PDE10A: variants seen among roughly 807,000 people sequenced by gnomAD.
PDE10A encodes cAMP and cAMP-inhibited cGMP 3',5'-cyclic phosphodiesterase 10A.
A neutral mutation model predicts 97.7 loss-of-function variants in PDE10A; 39 were observed. That is an observed-to-expected ratio of 0.40 (90% CI 0.31 to 0.52). The LOEUF (loss-of-function observed/expected upper bound fraction) is 0.52. Ranked by LOEUF, PDE10A falls within the 20% of genes least tolerant of loss-of-function variation. PDE10A has a pLI of 0.56. For synonymous variants in PDE10A, 371 were observed against 376.8 expected (o/e 0.98, Z 0.18); for missense variants, 731 against 1,047.8 (o/e 0.70, Z 4.17).
intron 1 of PDE10A, among the ~76,000 whole-genome samples, chr6:165,558,871 C>G (rs1043520534): frequency 2.0e-5 from 3 of 152,140 alleles, no homozygotes; most frequent in African/African-American, 7.2e-5. Context: ...TTAATGAGTG[C>G]AGCACACCAA....
At chr6:165,746,152 C>T (rs548860193) in intron 1 of PDE10A, among the ~76,000 whole-genome samples, 2 of 152,254 alleles carry the variant, frequency 1.3e-5, no homozygotes, top group South Asian at 2.1e-4. Flanking sequence ...ACAGCTGTGT[C>T]CTTGAAGCTT....
chr6:165,765,142 C>T (rs567040611), intron 1 of PDE10A, among the ~76,000 whole-genome samples: 4 of 152,314 alleles, frequency 2.6e-5, no homozygotes, highest in African/African-American at 4.8e-5. Context: ...TACAGAGTGC[C>T]GCTTGGTGTA....
chr6:165,381,763 G>A (rs188013810), intron 17 of PDE10A, among the ~76,000 whole-genome samples: 2 of 151,218 alleles, frequency 1.3e-5, no homozygotes, highest in Admixed American at 6.6e-5. Context: ...TTACAGACGT[G>A]AGCCACCGCG....
chr6:165,436,808 T>C (rs971629695), intron 5 of PDE10A, among the ~76,000 whole-genome samples: 1 of 152,158 alleles, frequency 6.6e-6, no homozygotes, highest in Non-Finnish European at 1.5e-5. Flanking sequence ...AACATACACA[T>C]GGCATAGAGT....
At chr6:165,699,866 A>G (rs1247245562) in intron 1 of PDE10A, among the ~76,000 whole-genome samples, 3 of 152,214 alleles carry the variant, frequency 2.0e-5, no homozygotes, top group Non-Finnish European at 4.4e-5. Flanking sequence ...GTAAATACTT[A>G]TATTAGTAAA....
intron 1 of PDE10A, among the ~76,000 whole-genome samples, chr6:165,917,696 G>A (rs148893261): frequency 1.4e-3 from 215 of 152,350 alleles, no homozygotes; most frequent in Middle Eastern, 0.01. Flanking sequence ...CCCGCTGGAG[G>A]CTGGGCAAGT....
intron 1 of PDE10A, among the ~76,000 whole-genome samples, chr6:165,629,396 T>C (rs940735571): frequency 6.6e-6 from 1 of 152,202 alleles, no homozygotes; most frequent in African/African-American, 2.4e-5. Flanking sequence ...AATATCATCA[T>C]ACTGCATTTA....
intron 1 of PDE10A, among the ~76,000 whole-genome samples, chr6:165,875,085 A>G (rs1040315235): frequency 2.0e-5 from 3 of 152,330 alleles, no homozygotes; most frequent in Admixed American, 1.3e-4. Flanking sequence ...TTATTAAGAA[A>G]GGTTTGGGGG....
chr6:165,415,680 G>C lies in PDE10A; in HGVS notation c.1889+509C>G, dbSNP rs574430109. Among the ~76,000 whole-genome samples the C allele has an allele frequency of 3.3e-5, 5 of 152,150 alleles. No individual in the cohort carries two copies. The South Asian group carries it at 6.2e-4, about 19-fold the overall frequency. ...ATCTTAAAACAACAGCAACAAAATT[G>C]GCATTATCATACTCATCTTAAAGAT... is the stretch of plus-strand genomic sequence containing the variant. On this transcript the variant is annotated intron_variant, in intron 12 of 21. Transcript: ENST00000539869.
intron 18 of PDE10A, among the ~76,000 whole-genome samples, chr6:165,360,493 C>T (rs1783337079): frequency 6.6e-6 from 1 of 152,150 alleles, no homozygotes; most frequent in Non-Finnish European, 1.5e-5. Context: ...TTATCACCTA[C>T]CATCCAATGT....
intron 1 of PDE10A, among the ~76,000 whole-genome samples, chr6:165,553,686 T>C (rs1014819962): frequency 1.3e-4 from 20 of 152,204 alleles, no homozygotes; most frequent in African/African-American, 4.8e-4. Context: ...CATTCACAAT[T>C]TGCATTTATC....
At chr6:165,732,155 C>T (rs1268765277) in intron 1 of PDE10A, among the ~76,000 whole-genome samples, 3 of 152,234 alleles carry the variant, frequency 2.0e-5, no homozygotes, top group Admixed American at 6.5e-5. Context: ...GCATTTAAAG[C>T]TGGCTTTCTT....
intron 21 of PDE10A, among the ~76,000 whole-genome samples, chr6:165,333,703 C>T (rs895177753): frequency 2.6e-5 from 4 of 152,174 alleles, no homozygotes; most frequent in Non-Finnish European, 4.4e-5. Flanking sequence ...AGTCCTCACC[C>T]GAGGCAGTCT....
chr6:165,745,961 G>T (rs1351660400), intron 1 of PDE10A, among the ~76,000 whole-genome samples: 1 of 152,164 alleles, frequency 6.6e-6, no homozygotes, highest in African/African-American at 2.4e-5. Context: ...TCTTAAGCTG[G>T]ATGGCAGCTA....
At chr6:165,403,463 G>A (rs770133109) in intron 13 of PDE10A, among the ~76,000 whole-genome samples, 1 of 152,130 alleles carries the variant, frequency 6.6e-6, no homozygotes, top group African/African-American at 2.4e-5. Context: ...AGAGGTTGCT[G>A]TTAAACATTT....
intron 1 of PDE10A, among the ~76,000 whole-genome samples, chr6:165,759,211 G>C (rs116450549): frequency 6.6e-6 from 1 of 152,322 alleles, no homozygotes; most frequent in East Asian, 1.9e-4. Flanking sequence ...TACACAGGAT[G>C]AAGTATTTTC....
At chr6:165,737,914 T>C (rs1210629603) in intron 1 of PDE10A, among the ~76,000 whole-genome samples, 2 of 152,168 alleles carry the variant, frequency 1.3e-5, no homozygotes, top group Non-Finnish European at 2.9e-5. Flanking sequence ...CTAAAGACTA[T>C]ACAAATAAGA....
chr6:165,930,975 A>T (rs1431913804), intron 1 of PDE10A, among the ~76,000 whole-genome samples: 1 of 152,234 alleles, frequency 6.6e-6, no homozygotes, highest in African/African-American at 2.4e-5. Flanking sequence ...CCCGTGAAAT[A>T]TGGTGAGACA....
At chr6:165,933,123 T>C (rs1783194268) in intron 1 of PDE10A, among the ~76,000 whole-genome samples, 1 of 152,156 alleles carries the variant, frequency 6.6e-6, no homozygotes, top group Admixed American at 6.5e-5. Context: ...GCAAGTCTTG[T>C]GGTAAAGTCC....
Sources: allele counts gnomAD v4.1 joint callset (sites outside exome capture counted in the v4.1 genomes callset), GRCh38; gene constraint gnomAD v4.1.1; transcripts MANE v1.5; gene names NCBI Gene and HGNC (gene_info 2026-07-23, HGNC 2026-07-21).